Variants in ERICH1 observed in about 807,000 individuals in gnomAD.
ERICH1 encodes the protein glutamate rich 1.
A neutral mutation model predicts 39.6 loss-of-function variants in ERICH1; 56 were observed. The ratio of observed to expected loss-of-function variants is 1.41; its 90% CI spans 1.14 to 1.77. ERICH1 has a LOEUF of 1.77. Ranked by LOEUF, ERICH1 falls within the 40% of genes most tolerant of loss-of-function variation. The pLI is 0.00. For missense variants in ERICH1, 826 were observed against 575.4 expected (o/e 1.44, Z -4.45); for synonymous variants, 313 against 223.6 (o/e 1.40, Z -3.57).
chr8:687,409 C>T (rs770641330), intron 3 of ERICH1, among the ~76,000 whole-genome samples: 11 of 152,224 alleles, frequency 7.2e-5, no homozygotes, highest in Non-Finnish European at 1.6e-4. Flanking sequence ...AATAAAAAGC[C>T]GGCAACGCTC....
intron 3 of ERICH1, among the ~76,000 whole-genome samples, chr8:642,473 T>A (rs962569111): frequency 6.6e-6 from 1 of 150,546 alleles, no homozygotes; most frequent in South Asian, 2.1e-4. Context: ...GCCTCCCAGA[T>A]AGCTGGGACT....
chr8:687,824 C>T (rs1380759009), intron 3 of ERICH1, among the ~76,000 whole-genome samples: 2 of 152,108 alleles, frequency 1.3e-5, no homozygotes, highest in African/African-American at 4.8e-5. Flanking sequence ...GGGGGCGAGG[C>T]GCGGAGAGGC....
intron 3 of ERICH1, among the ~76,000 whole-genome samples, chr8:617,091 T>G (rs1422598050): frequency 6.6e-6 from 1 of 152,120 alleles, no homozygotes; most frequent in Admixed American, 6.6e-5. Context: ...CACCCATGAC[T>G]GTATGACAGT....
intron 3 of ERICH1, among the ~76,000 whole-genome samples, chr8:678,695 C>G (rs1805406753): frequency 6.6e-6 from 1 of 152,172 alleles, no homozygotes; most frequent in South Asian, 2.1e-4. Context: ...GTAGTCCCAG[C>G]TACTCCGGAG....
At chr8:708,637 TAG>T (rs1813854532) in intron 2 of ERICH1, among the ~76,000 whole-genome samples, 1 of 144,182 alleles carries the variant, frequency 6.9e-6, no homozygotes, top group Non-Finnish European at 1.5e-5. Context: ...TTCCAGAGGC[TAG>T]AGGGAGTGGG....
At chr8:661,463 T>A (rs1336389272), downstream of ERICH1, among the ~76,000 whole-genome samples, 1 of 152,200 alleles carries the variant, frequency 6.6e-6, no homozygotes, top group Non-Finnish European at 1.5e-5. Context: ...GTTTTTTTCC[T>A]TCTAGGCACA....
chr8:622,810 T>C lies in ERICH1; in HGVS notation c.977-7526A>G, dbSNP rs558077261. On this transcript the variant is annotated intron_variant, in intron 3 of 3. Coordinates refer to the ERICH1 transcript ENST00000522706. ...TCTATAAAAAAATTTTTTTAAAAAA[T>C]AGCCAGGTGTAGTGGTGCACACCTG... is the stretch of plus-strand genomic sequence containing the variant. 1.2e-4 allele frequency among the ~76,000 whole-genome samples: 18 copies of C among 151,866 alleles called. No individual in the cohort carries two copies. In the South Asian group the frequency reaches 3.8e-3, roughly 32 times the overall value.
intron 5 of ERICH1, among the ~76,000 whole-genome samples, chr8:665,343 C>A (rs921818009): frequency 6.6e-6 from 1 of 152,208 alleles, no homozygotes; most frequent in Non-Finnish European, 1.5e-5. Context: ...CTGTGCTCAC[C>A]GGGCTCACGG....
chr8:630,750 T>A (rs1450969697), intron 3 of ERICH1, among the ~76,000 whole-genome samples: 48 of 94,938 alleles, frequency 5.1e-4, no homozygotes, highest in African/African-American at 1.4e-3. Flanking sequence ...CAGAGCTGAC[T>A]CACACCCTCC....
At chr8:713,783 C>G (rs1441181592) in intron 2 of ERICH1, among the ~76,000 whole-genome samples, 3 of 152,254 alleles carry the variant, frequency 2.0e-5, no homozygotes, top group African/African-American at 7.2e-5. Flanking sequence ...CCAGAGACCA[C>G]GCAGCTCTCA....
chr8:643,108 G>A (rs1273813041), intron 3 of ERICH1, among the ~76,000 whole-genome samples: 1 of 152,100 alleles, frequency 6.6e-6, no homozygotes, highest in Non-Finnish European at 1.5e-5. Flanking sequence ...TCAAGGTCCA[G>A]GGGAAGGCGC....
chr8:719,165 G>A (rs895142427), intron 1 of ERICH1, among the ~76,000 whole-genome samples: 1 of 152,134 alleles, frequency 6.6e-6, no homozygotes. Context: ...GCCTGGCGAG[G>A]CTCAGGGAGG....
At chr8:683,509 T>G (rs545392368) in intron 3 of ERICH1, among the ~76,000 whole-genome samples, 1 of 152,174 alleles carries the variant, frequency 6.6e-6, no homozygotes, top group African/African-American at 2.4e-5. Context: ...GGATTCTCGC[T>G]CTCTCTCTCT....
At chr8:646,277 C>T (rs1225142188) in intron 3 of ERICH1, among the ~76,000 whole-genome samples, 1 of 67,158 alleles carries the variant, frequency 1.5e-5, no homozygotes, top group African/African-American at 3.8e-5. Context: ...CTGATTAGAG[C>T]AGTTCAAAAG....
intron 1 of ERICH1, among the ~76,000 whole-genome samples, chr8:728,525 C>G (rs1819317505): frequency 6.6e-6 from 1 of 152,202 alleles, no homozygotes; most frequent in Non-Finnish European, 1.5e-5. Context: ...CAACCCCACT[C>G]CAGGCTCCCC....
At chr8:692,091 G>A (rs906527058) in intron 3 of ERICH1, among the ~76,000 whole-genome samples, 4 of 152,170 alleles carry the variant, frequency 2.6e-5, no homozygotes, top group African/African-American at 9.7e-5. Flanking sequence ...GATGTACAAT[G>A]TCAGAAATTC....
chr8:701,213 G>A (rs11781309), intron 2 of ERICH1, among the ~76,000 whole-genome samples: 105,914 of 149,216 alleles, frequency 0.71, 38,502 homozygotes, highest in Non-Finnish European at 0.8. Context: ...GGTCTACCCT[G>A]CTGGACGGGA....
At position 691,183 on chromosome 8, in the gene ERICH1, G is replaced by GAC. The variant is rs1563271838; in HGVS notation, c.304+1294_304+1295insGT. The GAC allele has an allele frequency of 1.4e-3, 6 of 4,306 alleles. No homozygotes were observed. The Admixed American group carries it at 0.015, about 11-fold the overall frequency. The allele number at this position is 4,306 out of a possible 1,614,324, so 0.3% of individuals were successfully genotyped here. The stretch of plus-strand genomic sequence containing the variant: ...CCCAACTTTACCATTTCAAGTCACT[G>GAC]GCGCCTGGAGAAGGTGGCAAGGGGG... On this transcript the variant is annotated intron_variant, in intron 3 of 5. Transcript: ENST00000262109.
At chr8:668,308 A>G in intron 5 of ERICH1, 1 of 430,842 alleles carries the variant, frequency 2.3e-6, no homozygotes, top group Non-Finnish European at 4.2e-6. Context: ...AGAGGAAGAA[A>G]TGAATTCATT....
Sources: allele counts gnomAD v4.1 joint callset (sites outside exome capture counted in the v4.1 genomes callset), GRCh38; gene constraint gnomAD v4.1.1; transcripts MANE v1.5; gene names NCBI Gene and HGNC (gene_info 2026-07-23, HGNC 2026-07-21).